Variants in ICE1 observed in about 807,000 individuals in gnomAD.
The protein encoded by ICE1 is interactor of little elongation complex ELL subunit 1.
ICE1 carries 64 observed loss-of-function variants against 192.7 expected under a neutral mutation model. The observed-to-expected ratio is 0.33, with a 90% confidence interval of 0.27 to 0.41. ICE1 has a LOEUF of 0.41. ICE1 is among the 10% of genes least tolerant of loss of function. The pLI, the probability that ICE1 is intolerant of heterozygous loss-of-function variation, is 1.00. For missense variants in ICE1, 2,708 were observed against 2,696.0 expected (o/e 1.00, Z -0.10); for synonymous variants, 1,010 against 984.5 (o/e 1.03, Z -0.49).
chr5:5,464,391 A>G lies in ICE1; in HGVS notation c.5057A>G (p.Glu1686Gly). 1 of 1,613,822 alleles carries G rather than the reference A, an allele frequency of 6.2e-7. No individual in the cohort carries two copies. Among genetic ancestry groups the G allele is most frequent in the Non-Finnish European group, 8.5e-7 (1 of 1,179,860 alleles). Residue 1686 changes from glutamate to glycine, a missense_variant, in exon 13 of 19, where the codon GAG (glutamate) becomes GGG (glycine). Around this residue, in one of 2 missense-constraint regions of ICE1, gnomAD observed 2,366 missense variants for 2,276.6 expected, o/e 1.04. Transcript: ENST00000296564. This position sits in a 1 kb window ranked among gnomAD's most constrained non-coding sequence, Gnocchi z 4.0. ...CCTCCTGCCATGTCTCCATGGCCAGAGGACCCCAGACGTGCCTCTCCTCCA... is the reference window on the plus strand; with the variant it reads ...CCTCCTGCCATGTCTCCATGGCCAGGGGACCCCAGACGTGCCTCTCCTCCA... ...PVPPAMSPWP[E>G]DPRRASPPDP... is the part of the protein sequence containing the mutation.
At chr5:5,428,262 C>T (rs887339256) in intron 1 of ICE1, among the ~76,000 whole-genome samples, 1 of 151,952 alleles carries the variant, frequency 6.6e-6, no homozygotes. Context: ...CTGTTCCAGT[C>T]CACGCTGTGC....
At chr5:5,476,143 G>GT (rs1739300274) in intron 17 of ICE1, 64 bp downstream of exon 17, 1 of 885,930 alleles carries the variant, frequency 1.1e-6, no homozygotes, top group Admixed American at 3.2e-5. Flanking sequence ...AGGCTGGGGG[G>GT]TTAACTGTAT....
chr5:5,427,349 G>A (rs895884838), intron 1 of ICE1, among the ~76,000 whole-genome samples: 1 of 152,194 alleles, frequency 6.6e-6, no homozygotes, highest in Non-Finnish European at 1.5e-5. Flanking sequence ...TATGTATTAT[G>A]TATGGTTAAG....
At chr5:5,474,676 AT>A (rs1480356358) in intron 16 of ICE1, among the ~76,000 whole-genome samples, 9 of 152,276 alleles carry the variant, frequency 5.9e-5, no homozygotes, top group Non-Finnish European at 2.9e-5. Flanking sequence ...GTAGGTCTTA[AT>A]TTTCTTGTGG....
Position 5,460,887 on chromosome 5 carries a change from C to T in ICE1, c.1553C>T (p.Ala518Val), listed in dbSNP as rs1276819932. 5 of 1,613,902 alleles carry T rather than the reference C, an allele frequency of 3.1e-6. No homozygotes were observed. Among genetic ancestry groups the T allele is most frequent in the Admixed American group, 3.3e-5 (2 of 60,012 alleles). The change falls in exon 13 of 19, where the codon GCA (alanine) becomes GTA (valine). Residue 518 changes from alanine to valine, a missense_variant. Ala to Val is a moderately conservative substitution (Grantham distance 64). Around this residue, in one of 2 missense-constraint regions of ICE1, gnomAD observed 2,366 missense variants for 2,276.6 expected, o/e 1.04. Transcript: ENST00000296564. ...ATTGAGAGATTGTCTGCCAGCCCTG[C>T]ACAAGAGAAGGAAGCTGCCCCTGGG... ...LCIERLSASP[A>V]QEKEAAPGKS...
intron 17 of ICE1, among the ~76,000 whole-genome samples, chr5:5,480,808 A>G (rs1739482798): frequency 1.3e-5 from 2 of 152,226 alleles, no homozygotes; most frequent in Admixed American, 1.3e-4. Flanking sequence ...ATAACCAATA[A>G]TACACTTGGA....
At chr5:5,424,422 C>T (rs1309486043) in intron 1 of ICE1, among the ~76,000 whole-genome samples, 1 of 151,704 alleles carries the variant, frequency 6.6e-6, no homozygotes, top group Non-Finnish European at 1.5e-5. Flanking sequence ...GGAGTTCTCC[C>T]GAATCTTTAA....
Position 5,489,573 on chromosome 5 carries a change from T to A in ICE1, c.*243T>A. ...TGTGATCTGTGACATATGGGTTATA[T>A]TATTGTGTCTTTGTCAAACAACAAA... On this transcript the variant is annotated 3_prime_UTR_variant, in exon 19 of 19. Coordinates refer to ENST00000296564, the MANE Select transcript of ICE1 (RefSeq NM_015325.3). 1 of 337,048 alleles carries A rather than the reference T, an allele frequency of 3.0e-6. No homozygotes were observed. The highest frequency in any genetic ancestry group is 4.8e-5 in the East Asian group (1 of 20,684). 20.9% of individuals were successfully genotyped at this position (337,048 alleles called of 1,614,324 possible). A position where few individuals can be genotyped will look rare whatever the true frequency, so the allele number is the denominator to read the frequency against.
chr5:5,466,162 A>T (rs954194494), intron 13 of ICE1, among the ~76,000 whole-genome samples, 172 bp from the exon 14 acceptor site: 1 of 152,160 alleles, frequency 6.6e-6, no homozygotes, highest in Non-Finnish European at 1.5e-5. Flanking sequence ...CTCGATTCTC[A>T]TGATTTACCA....
Position 5,457,707 on chromosome 5 carries a change from C to T in ICE1, c.1067C>T (p.Pro356Leu), listed in dbSNP as rs763187327. The T allele has an allele frequency of 7.4e-6, 12 of 1,613,528 alleles. No individual in the cohort carries two copies. The South Asian group carries it at 1.2e-4, about 16-fold the overall frequency. The change falls in exon 12 of 19, where the codon CCT (proline) becomes CTT (leucine). Residue 356 changes from proline (P) to leucine (L), a missense_variant. By Grantham distance (98) the Pro-to-Leu change is moderately conservative (BLOSUM62 -3). This residue lies in a region of ICE1 where 2,366 missense variants were observed against 2,276.6 expected (regional missense o/e 1.04). Coordinates refer to ENST00000296564, the MANE Select transcript of ICE1 (RefSeq NM_015325.3). ...CCCTCGCCCCCTCCGATGTCATCAC[C>T]TCACCCGGGTTCCTTACCGTCTTCA... Reference protein sequence around the residue: ...PVPSPPPMSSPHPGSLPSSFA... With the variant: ...PVPSPPPMSSLHPGSLPSSFA...
intron 1 of ICE1, among the ~76,000 whole-genome samples, chr5:5,433,497 C>T (rs1215501749): frequency 6.6e-6 from 1 of 152,124 alleles, no homozygotes; most frequent in Admixed American, 6.6e-5. Context: ...TTTCCAGTTT[C>T]CGTTTGTCTT....
chr5:5,489,116 T>C, intron 18 of ICE1, 33 bp from the exon 19 acceptor site: 1 of 1,591,590 alleles, frequency 6.3e-7, no homozygotes, highest in Non-Finnish European at 8.6e-7. Flanking sequence ...AGATATTTTC[T>C]TGTTTTATGA....
rs927682962 is a variant in ICE1, at chr5:5,459,741, A to G, written c.1102-695A>G. 2.6e-5 allele frequency among the ~76,000 whole-genome samples: 4 copies of G among 152,208 alleles called. No individual in the cohort carries two copies. The East Asian group carries it at 5.8e-4, about 22-fold the overall frequency. On this transcript the variant is annotated intron_variant, in intron 12 of 18. Coordinates refer to ENST00000296564, the MANE Select transcript of ICE1 (RefSeq NM_015325.3). ...AGTCCACTGTTCTCTAACAGAATAG[A>G]GACAAGGTGGTTGATGCTGTCAGTG...
At chr5:5,426,557 T>G (rs778344011) in intron 1 of ICE1, among the ~76,000 whole-genome samples, 8 of 151,968 alleles carry the variant, frequency 5.3e-5, no homozygotes, top group South Asian at 2.1e-4. Context: ...GGCCAATTCA[T>G]GGGATTACAT....
Position 5,489,658 on chromosome 5 carries a change from T to G in ICE1, c.*328T>G, listed in dbSNP as rs574460280. The stretch of plus-strand genomic sequence containing the variant: ...TGTCCTTTTAGTGGCTTCTTAAAAT[T>G]GAGTGGCATTTTATAATGAACTTAC... On this transcript the variant is annotated 3_prime_UTR_variant, in exon 19 of 19. Transcript: ENST00000296564. The G allele has an allele frequency of 4.2e-4, 77 of 182,354 alleles. 1 individual carries two copies. Among genetic ancestry groups the G allele is most frequent in the African/African-American group, 1.8e-3 (76 of 42,856 alleles). The allele number at this position is 182,354 out of a possible 1,614,324, so 11.3% of individuals were successfully genotyped here.
chr5:5,456,614 C>T (rs145148232), intron 11 of ICE1, among the ~76,000 whole-genome samples: 39 of 152,110 alleles, frequency 2.6e-4, no homozygotes, highest in African/African-American at 9.4e-4. Flanking sequence ...CTTCTGGTAC[C>T]GCAAGATGTT....
intron 1 of ICE1, among the ~76,000 whole-genome samples, chr5:5,429,597 A>G (rs1737636952): frequency 6.6e-6 from 1 of 152,226 alleles, no homozygotes; most frequent in African/African-American, 2.4e-5. Context: ...TGAGCAGACT[A>G]CATATCCCAT....
rs1738870408 is a variant in ICE1, at chr5:5,463,532, A to G, written c.4198A>G (p.Thr1400Ala). ...AETTFQCQIA[T>A]VTSEVINVLI... The stretch of plus-strand genomic sequence containing the variant: ...AACAACATTTCAGTGTCAGATAGCA[A>G]CAGTGACCTCAGAAGTTATAAACGT... The change falls in exon 13 of 19, where the codon ACA becomes GCA. Residue 1400 changes from threonine (T) to alanine (A), a missense_variant. This residue lies in a region of ICE1 where 2,366 missense variants were observed against 2,276.6 expected (regional missense o/e 1.04). Coordinates refer to ENST00000296564, the MANE Select transcript of ICE1 (RefSeq NM_015325.3). 1 of 1,613,744 alleles carries G rather than the reference A, an allele frequency of 6.2e-7. No individual in the cohort carries two copies. Among genetic ancestry groups the G allele is most frequent in the African/African-American group, 1.3e-5 (1 of 74,938 alleles).
At position 5,437,025 on chromosome 5, in the gene ICE1, CATA is replaced by C. The variant is rs765215842; in HGVS notation, c.144-54_144-52del. On this transcript the variant is annotated intron_variant, in intron 2 of 18. Transcript: ENST00000296564. ...TGCATGGATTGAAACATAATTTTAA[CATA>C]GTATATTTTCTAAATTAAAAAGTAA... The C allele has an allele frequency of 8.9e-4, 981 of 1,104,962 alleles. 6 individuals are homozygous for C. In the East Asian group the frequency reaches 9.2e-3, roughly 10 times the overall value. 68.4% of individuals were successfully genotyped at this position (1,104,962 alleles called of 1,614,324 possible).
Sources: allele counts gnomAD v4.1 joint callset (sites outside exome capture counted in the v4.1 genomes callset), GRCh38; gene constraint gnomAD v4.1.1; regional missense constraint gnomAD v4.1.1; non-coding constraint Gnocchi (gnomAD v3.1); transcripts MANE v1.5; gene names NCBI Gene and HGNC (gene_info 2026-07-23, HGNC 2026-07-21).